Variants in CELF2 observed in about 807,000 individuals in gnomAD.
The protein encoded by CELF2 is CUG triplet repeat RNA-binding protein 2.
A neutral mutation model predicts 62.6 loss-of-function variants in CELF2; 8 were observed. The observed-to-expected ratio is 0.13, with a 90% CI of 0.07 to 0.23. CELF2 has a LOEUF of 0.23. Among genes scored for constraint, CELF2 ranks in the 10% least tolerant of loss-of-function variants. The probability of loss-of-function intolerance (pLI) is 1.00; values close to 1 mark genes in which losing one functional copy is unlikely to be tolerated. For missense variants in CELF2, 333 were observed against 671.0 expected (o/e 0.50, Z 5.56); for synonymous variants, 258 against 250.0 (o/e 1.03, Z -0.30).
At chr10:10,465,190 G>A in the CELF2 span, among the ~76,000 whole-genome samples, 1 of 152,118 alleles carries the variant, frequency 6.6e-6, no homozygotes, top group Non-Finnish European at 1.5e-5. Flanking sequence ...ACATTTGACA[G>A]TTGCTCAATT....
chr10:11,257,869 C>A lies in CELF2; in HGVS notation c.535C>A (p.Arg179=), dbSNP rs766405826. Residue 179 remains arginine (R), a synonymous_variant, in exon 5 of 13, where the codon CGA becomes AGA. Coordinates refer to ENST00000633077, the MANE Select transcript of CELF2 (RefSeq NM_001326342.2). ...RILRGPDGLS[R]GCAFVTFSTR... ...CCTCCGGGGACCTGATGGGCTGAGTCGAGGTGAGTGTGCTGTCTGGAAAGC... is the reference window on the plus strand; with the variant it reads ...CCTCCGGGGACCTGATGGGCTGAGTAGAGGTGAGTGTGCTGTCTGGAAAGC... The A allele has an allele frequency of 3.7e-6, 6 of 1,614,110 alleles. No homozygotes were observed. Among genetic ancestry groups the A allele is most frequent in the South Asian group, 1.1e-5 (1 of 91,062 alleles).
chr10:10,926,809 A>T (rs9804368), intron 2 of CELF2, among the ~76,000 whole-genome samples: 3,882 of 152,276 alleles, frequency 0.025, 68 homozygotes, highest in African/African-American at 0.046. Context: ...GTACTTAAAG[A>T]ATGGCATCCA....
the CELF2 span, among the ~76,000 whole-genome samples, chr10:10,470,763 T>C: frequency 6.6e-6 from 1 of 151,112 alleles, no homozygotes; most frequent in Non-Finnish European, 1.5e-5. Flanking sequence ...TCCATGCCAC[T>C]AATCACATCT....
chr10:10,851,587 C>T (rs1301169114), intron 1 of CELF2, among the ~76,000 whole-genome samples: 3 of 152,076 alleles, frequency 2.0e-5, no homozygotes, highest in African/African-American at 7.2e-5. Flanking sequence ...TAAATTGGAC[C>T]TCATTGAAAC....
the CELF2 span, among the ~76,000 whole-genome samples, chr10:10,569,717 A>G: frequency 6.6e-6 from 1 of 152,216 alleles, no homozygotes; most frequent in Non-Finnish European, 1.5e-5. Flanking sequence ...AGCAGTTTCC[A>G]GGTGGACTTC....
chr10:10,959,125 G>T (rs911715438), intron 2 of CELF2, among the ~76,000 whole-genome samples: 1 of 151,954 alleles, frequency 6.6e-6, no homozygotes, highest in African/African-American at 2.4e-5. Flanking sequence ...TAGCGTCGTG[G>T]TAGCTACCAC....
At chr10:11,187,172 C>T (rs2075165805) in intron 2 of CELF2, among the ~76,000 whole-genome samples, 1 of 151,894 alleles carries the variant, frequency 6.6e-6, no homozygotes, top group South Asian at 2.1e-4. Flanking sequence ...GTGTATTTCT[C>T]CTTTGAGTTC....
At position 11,156,752 on chromosome 10, in the gene CELF2, C is replaced by T. The variant is rs971990029; in HGVS notation, c.75-8734C>T. Among the ~76,000 whole-genome samples the T allele has an allele frequency of 6.6e-6, 1 of 152,114 alleles. No homozygotes were observed. The highest frequency in any genetic ancestry group is 2.4e-5 in the African/African-American group (1 of 41,402). On this transcript the variant is annotated intron_variant, in intron 1 of 12. Coordinates refer to ENST00000633077, the MANE Select transcript of CELF2 (RefSeq NM_001326342.2). The surrounding 1 kb of genome is among the most constrained non-coding windows in gnomAD (Gnocchi z 4.3). ...ATCGCTGTTTCTGAGGTTCCGCGGT[C>T]AGAGAAGGGAAAGGCCAGAGCAAGC...
intron 1 of CELF2, among the ~76,000 whole-genome samples, chr10:11,069,295 A>G (rs1003382054): frequency 1.4e-4 from 21 of 152,230 alleles, no homozygotes; most frequent in African/African-American, 4.1e-4. Flanking sequence ...TGATTACTAC[A>G]TGATTCAGAA....
Position 11,211,171 on chromosome 10 carries a change from A to G in CELF2, c.272-6254A>G, listed in dbSNP as rs557736442. Among the ~76,000 whole-genome samples the G allele has an allele frequency of 3.3e-5, 5 of 152,342 alleles. No homozygotes were observed. In the South Asian group the frequency reaches 8.3e-4, roughly 25 times the overall value. On this transcript the variant is annotated intron_variant, in intron 2 of 12. Transcript: ENST00000633077. This position sits in a 1 kb window ranked among gnomAD's most constrained non-coding sequence, Gnocchi z 4.8. ...CACATGCCTGCAGTCCTGGATACTC[A>G]GCAGCCTACAGTGGAGAAGATGACT...
chr10:11,270,129 C>T lies in CELF2; in HGVS notation c.619-537C>T, dbSNP rs1227570510. On this transcript the variant is annotated intron_variant, in intron 6 of 12. Transcript: ENST00000633077. The surrounding 1 kb of genome is among the most constrained non-coding windows in gnomAD (Gnocchi z 5.8). Reference sequence around the variant, plus strand: ...CAAAACTAAAATGAAGCCCTTTTCCCTATGATTGCTGGGCCGATAGGATTG... The same window carrying T: ...CAAAACTAAAATGAAGCCCTTTTCCTTATGATTGCTGGGCCGATAGGATTG... 6.6e-6 allele frequency among the ~76,000 whole-genome samples: 1 copy of T among 152,218 alleles called. No individual in the cohort carries two copies.
intron 1 of CELF2, among the ~76,000 whole-genome samples, chr10:11,083,113 T>C (rs1274603732): frequency 1.3e-5 from 2 of 152,214 alleles, no homozygotes; most frequent in Admixed American, 6.5e-5. Context: ...GTTGTGATTG[T>C]TATCTTATCC....
intron 9 of CELF2, among the ~76,000 whole-genome samples, chr10:11,295,938 G>A (rs1399605697): frequency 6.6e-6 from 1 of 152,128 alleles, no homozygotes; most frequent in Non-Finnish European, 1.5e-5. Context: ...CCAGGCAGTT[G>A]GTGCAATGCC....
At chr10:11,107,419 A>G (rs2053807337) in intron 1 of CELF2, among the ~76,000 whole-genome samples, 1 of 152,102 alleles carries the variant, frequency 6.6e-6, no homozygotes, top group African/African-American at 2.4e-5. Flanking sequence ...AGCCACCTCC[A>G]TGTTTTGGAG....
chr10:11,200,793 A>G (rs1280780347), intron 2 of CELF2, among the ~76,000 whole-genome samples: 1 of 152,226 alleles, frequency 6.6e-6, no homozygotes, highest in East Asian at 1.9e-4. Flanking sequence ...AAAGGAAGGG[A>G]GAAAAGATTG....
chr10:10,932,745 G>T (rs935484922), intron 2 of CELF2, among the ~76,000 whole-genome samples: 6 of 151,876 alleles, frequency 4.0e-5, no homozygotes, highest in East Asian at 1.9e-4. Flanking sequence ...CTGGACCAAA[G>T]AATTAAGTGC....
At chr10:11,273,125 T>G (rs1285100580) in intron 7 of CELF2, among the ~76,000 whole-genome samples, 3 of 152,098 alleles carry the variant, frequency 2.0e-5, no homozygotes, top group Non-Finnish European at 4.4e-5. Context: ...ACACAGACTT[T>G]TCTTGGTTTT....
chr10:10,967,640 C>A (rs1270424590), intron 2 of CELF2, among the ~76,000 whole-genome samples: 1 of 152,154 alleles, frequency 6.6e-6, no homozygotes, highest in Non-Finnish European at 1.5e-5. Context: ...AAACATACAG[C>A]AAGGCTGCTG....
chr10:10,761,414 A>G, the CELF2 span, among the ~76,000 whole-genome samples: 1 of 152,360 alleles, frequency 6.6e-6, no homozygotes, highest in South Asian at 2.1e-4. Context: ...TAGAGGTGTA[A>G]GTCCATGAAA....
Sources: allele counts gnomAD v4.1 joint callset (sites outside exome capture counted in the v4.1 genomes callset), GRCh38; gene constraint gnomAD v4.1.1; non-coding constraint Gnocchi (gnomAD v3.1); transcripts MANE v1.5; gene names NCBI Gene and HGNC (gene_info 2026-07-23, HGNC 2026-07-21).